Variants in SAMMSON observed in about 807,000 individuals in gnomAD.
The protein encoded by SAMMSON is long intergenic non-protein coding RNA 1212.
intron 2 of SAMMSON, among the ~76,000 whole-genome samples, chr3:70,404,898 A>G (rs552600443): frequency 2.0e-5 from 3 of 152,298 alleles, no homozygotes; most frequent in Middle Eastern, 3.4e-3. Context: ...AATGGAACTT[A>G]AGAGAAAGAA....
downstream of SAMMSON, among the ~76,000 whole-genome samples, chr3:70,394,196 G>A (rs935920328): frequency 2.0e-5 from 3 of 152,164 alleles, no homozygotes; most frequent in South Asian, 6.2e-4. Flanking sequence ...TTTTGCTACC[G>A]ATAGAAGAGA....
chr3:70,190,463 T>G lies in SAMMSON; in HGVS notation n.508-58644T>G, dbSNP rs75671207. Among the ~76,000 whole-genome samples the G allele has an allele frequency of 3.5e-3, 531 of 152,272 alleles. 2 individuals are homozygous for G. The highest frequency in any genetic ancestry group is 5.6e-3 in the Non-Finnish European group (378 of 68,014). The stretch of plus-strand genomic sequence containing the variant: ...TTGAAAGCTCACTTCACAATCACCA[T>G]CTTAGTCCAGGTCACTACTAGGTCT... On this transcript the variant is annotated intron_variant and non_coding_transcript_variant, in intron 4 of 9. Coordinates refer to ENST00000642114, the Ensembl canonical transcript of SAMMSON.
chr3:70,279,211 G>A (rs1702056950), intron 6 of SAMMSON, among the ~76,000 whole-genome samples: 1 of 151,552 alleles, frequency 6.6e-6, no homozygotes, highest in South Asian at 2.1e-4. Context: ...TGCTTTGCAT[G>A]TAGTGTTTCA....
chr3:70,350,979 T>C (rs2160772), intron 7 of SAMMSON, among the ~76,000 whole-genome samples: 91,977 of 151,986 alleles, frequency 0.61, 28,293 homozygotes, highest in Admixed American at 0.67. Context: ...TAATGTGTTA[T>C]ATGGTAGGAA....
At chr3:70,396,218 G>A (rs1701092283) in intron 2 of SAMMSON, among the ~76,000 whole-genome samples, 2 of 152,124 alleles carry the variant, frequency 1.3e-5, no homozygotes, top group South Asian at 4.1e-4. Context: ...ATTATAGTTT[G>A]TTAGAAGACT....
chr3:70,038,121 T>C (rs2067093075), intron 3 of SAMMSON, among the ~76,000 whole-genome samples: 1 of 152,180 alleles, frequency 6.6e-6, no homozygotes, highest in Non-Finnish European at 1.5e-5. Flanking sequence ...TGCCACGGTT[T>C]GGATATGGTT....
At chr3:70,087,126 T>G (rs2067288388) in intron 4 of SAMMSON, among the ~76,000 whole-genome samples, 2 of 152,144 alleles carry the variant, frequency 1.3e-5, no homozygotes, top group Non-Finnish European at 2.9e-5. Context: ...TTCACTATAT[T>G]GAAGTTCTCT....
intron 4 of SAMMSON, among the ~76,000 whole-genome samples, chr3:70,114,666 A>AT (rs2067402893): frequency 6.6e-6 from 1 of 152,232 alleles, no homozygotes. Flanking sequence ...GAAAAGTGGA[A>AT]TTTTTGAGAA....
chr3:70,260,640 A>C (rs1361661568), intron 6 of SAMMSON, among the ~76,000 whole-genome samples: 1 of 151,982 alleles, frequency 6.6e-6, no homozygotes, highest in East Asian at 1.9e-4. Flanking sequence ...ACTCCATGAA[A>C]GGTTACAACT....
chr3:70,011,110 T>C (rs2066953540), intron 1 of SAMMSON, among the ~76,000 whole-genome samples: 1 of 152,154 alleles, frequency 6.6e-6, no homozygotes, highest in South Asian at 2.1e-4. Flanking sequence ...CTTCACCTTT[T>C]TATACCCTTT....
chr3:70,046,500 T>C (rs2067127585), intron 3 of SAMMSON, among the ~76,000 whole-genome samples: 2 of 152,160 alleles, frequency 1.3e-5, no homozygotes, highest in Admixed American at 1.3e-4. Context: ...TTATTTTACA[T>C]TATTCATTTT....
chr3:70,140,351 G>C (rs2067522898), intron 4 of SAMMSON: 1 of 217,362 alleles, frequency 4.6e-6, no homozygotes, highest in Non-Finnish European at 1.0e-5. Context: ...AATGTGTAAA[G>C]GCCAGGAGTG....
intron 4 of SAMMSON, chr3:70,197,262 C>A: frequency 5.0e-6 from 2 of 397,690 alleles, no homozygotes; most frequent in Non-Finnish European, 8.9e-6. Context: ...TGCTGGGATA[C>A]TTGATAACTT....
At chr3:70,016,974 G>C (rs2066988863) in intron 3 of SAMMSON, among the ~76,000 whole-genome samples, 1 of 152,180 alleles carries the variant, frequency 6.6e-6, no homozygotes, top group South Asian at 2.1e-4. Context: ...GTACCATGCT[G>C]TTTTGGTTAC....
chr3:70,322,498 T>C (rs1702544651), intron 7 of SAMMSON, among the ~76,000 whole-genome samples: 1 of 152,148 alleles, frequency 6.6e-6, no homozygotes, highest in South Asian at 2.1e-4. Flanking sequence ...GTACTTGATC[T>C]TCTACCAACA....
At chr3:70,323,662 CAA>C (rs938060359) in intron 7 of SAMMSON, among the ~76,000 whole-genome samples, 1 of 152,158 alleles carries the variant, frequency 6.6e-6, no homozygotes, top group African/African-American at 2.4e-5. Context: ...ATTTGAAAGA[CAA>C]ATGTGACAGC....
intron 4 of SAMMSON, among the ~76,000 whole-genome samples, chr3:70,186,708 C>G (rs563551089): frequency 6.6e-6 from 1 of 152,144 alleles, no homozygotes; most frequent in Non-Finnish European, 1.5e-5. Flanking sequence ...CAAGAAGCTT[C>G]CACTGTGTGA....
intron 8 of SAMMSON, among the ~76,000 whole-genome samples, chr3:70,356,418 C>G (rs1702829662): frequency 6.6e-6 from 1 of 151,972 alleles, no homozygotes; most frequent in Admixed American, 6.6e-5. Flanking sequence ...GGTATACTAA[C>G]AAAAATATTT....
At chr3:70,110,480 T>C (rs964246442) in intron 4 of SAMMSON, among the ~76,000 whole-genome samples, 1 of 152,168 alleles carries the variant, frequency 6.6e-6, no homozygotes, top group African/African-American at 2.4e-5. Flanking sequence ...GTAGAAATAA[T>C]GCAGCTGGTC....
Sources: gnomAD v4.1 joint callset for allele counts (sites outside exome capture counted in the v4.1 genomes callset) on GRCh38, gnomAD v4.1.1 for gene constraint, MANE v1.5 for transcripts, NCBI Gene and HGNC (gene_info 2026-07-23, HGNC 2026-07-21) for gene names.